The following CSMD1 variants were observed in gnomAD, a reference collection of about 807,000 sequenced individuals.
CSMD1 encodes CUB and sushi domain-containing protein 1.
A neutral mutation model predicts 417.5 loss-of-function variants in CSMD1; 213 were observed. That is an observed-to-expected ratio of 0.51 (90% CI 0.46 to 0.57). The LOEUF (loss-of-function observed/expected upper bound fraction) is 0.57, where lower values mean the gene tolerates loss of function less well. CSMD1 is among the 20% of genes least tolerant of loss of function. The probability of loss-of-function intolerance (pLI) is 0.00; values close to 1 mark genes in which losing one functional copy is unlikely to be tolerated. For synonymous variants in CSMD1, 2,862 were observed against 1,736.8 expected (o/e 1.65, Z -16.11); for missense variants, 6,923 against 4,529.7 (o/e 1.53, Z -15.17).
intron 3 of CSMD1, among the ~76,000 whole-genome samples, chr8:4,244,537 C>T (rs1504768): frequency 0.88 from 133,938 of 151,586 alleles, 61,528 homozygotes; most frequent in Non-Finnish European, 1. Context: ...AATTTTCTTT[C>T]TTTTTTCTTA....
At chr8:4,958,632 G>C (rs1809276771) in intron 1 of CSMD1, among the ~76,000 whole-genome samples, 2 of 152,098 alleles carry the variant, frequency 1.3e-5, no homozygotes, top group African/African-American at 4.8e-5. Flanking sequence ...TTCAAGTATG[G>C]GATCTATGTG....
At position 4,452,555 on chromosome 8, in the gene CSMD1, A is replaced by C. The variant is rs545687673; in HGVS notation, c.303-32490T>G. 3.3e-5 allele frequency among the ~76,000 whole-genome samples: 5 copies of C among 152,316 alleles called. No individual in the cohort carries two copies. In the South Asian group the frequency reaches 6.2e-4, roughly 19 times the overall value. On this transcript the variant is annotated intron_variant, in intron 2 of 69. Coordinates refer to ENST00000635120, the MANE Select transcript of CSMD1 (RefSeq NM_033225.6). ...ATTATAAAAATAATTCACTTTTTCC[A>C]ATCATTTTTATCAAGAATATTAAAC...
At chr8:4,834,014 C>T (rs576673657) in intron 1 of CSMD1, among the ~76,000 whole-genome samples, 2 of 152,076 alleles carry the variant, frequency 1.3e-5, no homozygotes, top group Admixed American at 6.5e-5. Flanking sequence ...AAAATAGACC[C>T]GGGATGCAAT....
intron 3 of CSMD1, among the ~76,000 whole-genome samples, chr8:4,112,274 A>G (rs1801896794): frequency 6.6e-6 from 1 of 152,140 alleles, no homozygotes; most frequent in Non-Finnish European, 1.5e-5. Context: ...AATGTCTCTG[A>G]TACACCTTTC....
chr8:3,497,893 T>C (rs1316123196), intron 10 of CSMD1, among the ~76,000 whole-genome samples: 1 of 152,250 alleles, frequency 6.6e-6, no homozygotes, highest in African/African-American at 2.4e-5. Flanking sequence ...TACCAGTGAA[T>C]ATTACTCTTT....
chr8:3,851,675 G>T (rs190894187), intron 5 of CSMD1, among the ~76,000 whole-genome samples: 1 of 152,062 alleles, frequency 6.6e-6, no homozygotes, highest in Non-Finnish European at 1.5e-5. Flanking sequence ...CAAAGAAAAG[G>T]GTGAATAGCA....
intron 2 of CSMD1, among the ~76,000 whole-genome samples, chr8:4,446,778 TGTGTGTG>T (rs1414228228): frequency 6.7e-6 from 1 of 148,968 alleles, no homozygotes; most frequent in Non-Finnish European, 1.5e-5. Flanking sequence ...TGTGTGTGTG[TGTGTGTG>T]TGTGTGTGTG....
intron 3 of CSMD1, among the ~76,000 whole-genome samples, chr8:4,152,809 C>A (rs1193071020): frequency 5.3e-5 from 8 of 152,026 alleles, no homozygotes; most frequent in African/African-American, 1.9e-4. Flanking sequence ...TACACACATA[C>A]ACGTATAGTG....
intron 4 of CSMD1, among the ~76,000 whole-genome samples, chr8:4,022,580 T>G (rs1227888379): frequency 6.6e-6 from 1 of 151,952 alleles, no homozygotes; most frequent in East Asian, 1.9e-4. Context: ...AGGGCACGAG[T>G]AAAGAGAAGC....
At chr8:4,174,967 A>G (rs149182724) in intron 3 of CSMD1, among the ~76,000 whole-genome samples, 55 of 151,474 alleles carry the variant, frequency 3.6e-4, no homozygotes, top group African/African-American at 1.3e-3. Context: ...ATTAGTATTG[A>G]TGGCTCTTTG....
chr8:3,242,972 G>T (rs1799641648), intron 26 of CSMD1, among the ~76,000 whole-genome samples: 1 of 152,088 alleles, frequency 6.6e-6, no homozygotes, highest in Non-Finnish European at 1.5e-5. Context: ...CCCTGCAATG[G>T]GGAGGCTGCC....
chr8:3,905,708 T>A (rs969609526), intron 5 of CSMD1, among the ~76,000 whole-genome samples: 2 of 152,194 alleles, frequency 1.3e-5, no homozygotes, highest in Admixed American at 1.3e-4. Context: ...TATCTCCTTA[T>A]CCACATCCAA....
chr8:3,226,198 T>A (rs1169477365), intron 27 of CSMD1, among the ~76,000 whole-genome samples: 1 of 152,210 alleles, frequency 6.6e-6, no homozygotes, highest in Non-Finnish European at 1.5e-5. Flanking sequence ...ACATTTTGGC[T>A]TTTCAGAGTG....
At chr8:4,015,697 C>T (rs1187216385) in intron 4 of CSMD1, among the ~76,000 whole-genome samples, 3 of 145,158 alleles carry the variant, frequency 2.1e-5, no homozygotes, top group Non-Finnish European at 4.5e-5. Flanking sequence ...AAGACAGCTG[C>T]TACATCCCAT....
intron 18 of CSMD1, among the ~76,000 whole-genome samples, chr8:3,384,861 T>C (rs1277163588): frequency 8.1e-6 from 1 of 122,926 alleles, no homozygotes; most frequent in Non-Finnish European, 1.6e-5. Context: ...GCTATTTATA[T>C]GTAAATATAT....
chr8:3,331,189 G>A (rs1313934019), intron 23 of CSMD1, among the ~76,000 whole-genome samples: 1 of 149,048 alleles, frequency 6.7e-6, no homozygotes, highest in Non-Finnish European at 1.5e-5. Context: ...AGTGAGCCGA[G>A]ATCGTGCCAC....
chr8:4,695,693 C>G (rs182966472), intron 1 of CSMD1, among the ~76,000 whole-genome samples: 2 of 152,156 alleles, frequency 1.3e-5, no homozygotes, highest in Admixed American at 1.3e-4. Context: ...CATTATCACT[C>G]AAAGGTCAGT....
At position 3,882,187 on chromosome 8, in the gene CSMD1, A is replaced by G. The variant is rs530196032; in HGVS notation, c.818+115716T>C. 3.3e-5 allele frequency among the ~76,000 whole-genome samples: 5 copies of G among 152,302 alleles called. No individual in the cohort carries two copies. In the South Asian group the frequency reaches 1.0e-3, roughly 32 times the overall value. On this transcript the variant is annotated intron_variant, in intron 5 of 69. Coordinates refer to ENST00000635120, the MANE Select transcript of CSMD1 (RefSeq NM_033225.6). Reference sequence around the variant, plus strand: ...GTACAGAATATACAGACATCTTACAAATCAACAAGAAAGAGAGAGACAACC... The same window carrying G: ...GTACAGAATATACAGACATCTTACAGATCAACAAGAAAGAGAGAGACAACC...
intron 5 of CSMD1, among the ~76,000 whole-genome samples, chr8:3,985,558 C>T (rs1182588245): frequency 6.6e-6 from 1 of 152,100 alleles, no homozygotes; most frequent in Non-Finnish European, 1.5e-5. Flanking sequence ...GATTGCTCTA[C>T]TATGGAATAA....
Sources: allele counts gnomAD v4.1 joint callset (sites outside exome capture counted in the v4.1 genomes callset), GRCh38; gene constraint gnomAD v4.1.1; transcripts MANE v1.5; gene names NCBI Gene and HGNC (gene_info 2026-07-23, HGNC 2026-07-21).